The following FAM135B variants were observed in gnomAD, a reference collection of about 807,000 sequenced individuals.
FAM135B encodes the protein protein FAM135B.
In FAM135B, 43 loss-of-function variants were observed where a neutral mutation model predicts 127.7. The observed-to-expected ratio is 0.34, with a 90% CI of 0.26 to 0.43. The LOEUF (loss-of-function observed/expected upper bound fraction) is 0.43. Ranked by LOEUF, FAM135B falls within the 20% of genes least tolerant of loss-of-function variation. The probability of loss-of-function intolerance (pLI) is 1.00; values close to 1 mark genes in which losing one functional copy is unlikely to be tolerated. For synonymous variants in FAM135B, 670 were observed against 665.1 expected (o/e 1.01, Z -0.11); for missense variants, 1,558 against 1,725.6 (o/e 0.90, Z 1.72).
At chr8:138,282,939 T>C (rs548945915) in intron 3 of FAM135B, among the ~76,000 whole-genome samples, 1 of 152,318 alleles carries the variant, frequency 6.6e-6, no homozygotes, top group East Asian at 1.9e-4. Context: ...TCTCACTCTG[T>C]CACCAGGCTA....
intron 1 of FAM135B, among the ~76,000 whole-genome samples, chr8:138,430,686 C>T (rs539334162): frequency 2.6e-5 from 4 of 152,054 alleles, no homozygotes; most frequent in African/African-American, 4.8e-5. Flanking sequence ...GGTTCGAGGA[C>T]GGGGGTAAAA....
At chr8:138,323,347 T>C (rs1468761560) in intron 2 of FAM135B, among the ~76,000 whole-genome samples, 1 of 152,212 alleles carries the variant, frequency 6.6e-6, no homozygotes, top group African/African-American at 2.4e-5. Flanking sequence ...CACCCTTTGC[T>C]GACTCCCTTG....
intron 11 of FAM135B, among the ~76,000 whole-genome samples, chr8:138,170,475 G>C (rs2130919782): frequency 6.6e-6 from 1 of 152,228 alleles, no homozygotes; most frequent in South Asian, 2.1e-4. Context: ...GCCCACCTAG[G>C]CCTCCCAAAC....
At chr8:138,447,266 A>T (rs2131575098) in intron 1 of FAM135B, among the ~76,000 whole-genome samples, 1 of 152,256 alleles carries the variant, frequency 6.6e-6, no homozygotes, top group South Asian at 2.1e-4. Flanking sequence ...AGGGATCTAG[A>T]ACTAGAAATA....
rs182364532 is a variant in FAM135B, at chr8:138,426,567, T to C, written c.-19-58565A>G. ...GTATATATATACATTAAAAGACATG[T>C]ATGAGAATGCTATTATCATTTTTAT... On this transcript the variant is annotated intron_variant, in intron 1 of 19. Coordinates refer to ENST00000395297, the MANE Select transcript of FAM135B (RefSeq NM_015912.4). Among the ~76,000 whole-genome samples the C allele has an allele frequency of 6.9e-4, 105 of 151,364 alleles. 1 individual carries two copies. Among genetic ancestry groups the C allele is most frequent in the Admixed American group, 4.8e-3 (72 of 15,108 alleles).
intron 1 of FAM135B, among the ~76,000 whole-genome samples, chr8:138,389,358 T>C (rs1832404569): frequency 6.6e-6 from 1 of 152,188 alleles, no homozygotes; most frequent in South Asian, 2.1e-4. Flanking sequence ...TTTACACAAA[T>C]AATTGTTCGT....
intron 6 of FAM135B, among the ~76,000 whole-genome samples, chr8:138,245,227 T>C (rs1365419769): frequency 6.6e-6 from 1 of 152,218 alleles, no homozygotes; most frequent in Non-Finnish European, 1.5e-5. Flanking sequence ...TTAAACATTT[T>C]ACTAAGATTT....
chr8:138,341,337 C>A, intron 2 of FAM135B, among the ~76,000 whole-genome samples: 1 of 152,168 alleles, frequency 6.6e-6, no homozygotes, highest in East Asian at 1.9e-4. Flanking sequence ...TGTATTATTC[C>A]TCTCCTATGA....
At chr8:138,212,230 G>T (rs1818200094) in intron 7 of FAM135B, among the ~76,000 whole-genome samples, 1 of 152,160 alleles carries the variant, frequency 6.6e-6, no homozygotes, top group African/African-American at 2.4e-5. Context: ...GTACATAGAA[G>T]ACAGGTATGC....
At chr8:138,377,274 A>G in intron 1 of FAM135B, among the ~76,000 whole-genome samples, 1 of 152,198 alleles carries the variant, frequency 6.6e-6, no homozygotes. Flanking sequence ...ACAGAATTGC[A>G]CTATAGGAGA....
chr8:138,198,699 C>T (rs921663916), intron 7 of FAM135B, among the ~76,000 whole-genome samples: 1 of 152,136 alleles, frequency 6.6e-6, no homozygotes, highest in Non-Finnish European at 1.5e-5. Flanking sequence ...AGTAATTTGT[C>T]CAATGAGGAA....
At position 138,132,652 on chromosome 8, in the gene FAM135B, C is replaced by G. The variant is rs2130483336; in HGVS notation, c.4162G>C (p.Asp1388His). 6.2e-7 allele frequency: 1 copy of G among 1,614,188 alleles called. No individual in the cohort carries two copies. Among genetic ancestry groups the G allele is most frequent in the Non-Finnish European group, 8.5e-7 (1 of 1,180,036 alleles). ...IGRAAHIAVL[D>H]SELFLEKFFL... ...AACTTCTCCAGGAAGAGTTCTGAAT[C>G]CAGCACAGCGATGTGAGCGGCTCGG... The change falls in exon 20 of 20, where the codon GAT becomes CAT. Residue 1388 changes from aspartate (D) to histidine (H), a missense_variant. This residue lies in a region of FAM135B where 194 missense variants were observed against 333.8 expected (regional missense o/e 0.58). Coordinates refer to ENST00000395297, the MANE Select transcript of FAM135B (RefSeq NM_015912.4). The surrounding 1 kb of genome is among the most constrained non-coding windows in gnomAD (Gnocchi z 4.5).
intron 7 of FAM135B, among the ~76,000 whole-genome samples, chr8:138,216,101 A>T (rs1818523699): frequency 6.6e-6 from 1 of 152,214 alleles, no homozygotes. Flanking sequence ...CACATGGAAC[A>T]ATCTGAAGAC....
intron 1 of FAM135B, among the ~76,000 whole-genome samples, chr8:138,393,009 C>G (rs1191920023): frequency 6.6e-6 from 1 of 152,092 alleles, no homozygotes; most frequent in Non-Finnish European, 1.5e-5. Flanking sequence ...GCTGGGGAAG[C>G]CTCACAATCA....
intron 1 of FAM135B, among the ~76,000 whole-genome samples, chr8:138,479,072 T>C (rs968609784): frequency 2.0e-5 from 3 of 152,166 alleles, no homozygotes; most frequent in Non-Finnish European, 2.9e-5. Flanking sequence ...CTTACATGTA[T>C]CACTTTATAA....
intron 3 of FAM135B, among the ~76,000 whole-genome samples, chr8:138,295,073 T>C (rs1825377443): frequency 6.6e-6 from 1 of 150,728 alleles, no homozygotes. Flanking sequence ...ACATTCCTGA[T>C]TCAAATGTCA....
At chr8:138,319,778 TG>T (rs1221004079) in intron 2 of FAM135B, among the ~76,000 whole-genome samples, 1 of 152,222 alleles carries the variant, frequency 6.6e-6, no homozygotes, top group Non-Finnish European at 1.5e-5. Flanking sequence ...GTAAATATGT[TG>T]GGCAAAACAG....
intron 3 of FAM135B, among the ~76,000 whole-genome samples, chr8:138,278,011 C>A (rs1823965561): frequency 6.6e-6 from 1 of 151,952 alleles, no homozygotes; most frequent in Non-Finnish European, 1.5e-5. Flanking sequence ...GCCCTTTGAC[C>A]CCACAGCAGG....
At chr8:138,342,595 G>A (rs1298608770) in intron 2 of FAM135B, among the ~76,000 whole-genome samples, 1 of 152,212 alleles carries the variant, frequency 6.6e-6, no homozygotes, top group African/African-American at 2.4e-5. Context: ...TGACCATTGA[G>A]CAAGAGATTA....
Sources: gnomAD v4.1 joint callset for allele counts (sites outside exome capture counted in the v4.1 genomes callset) on GRCh38, gnomAD v4.1.1 for gene constraint, gnomAD v4.1.1 regional missense constraint, Gnocchi (gnomAD v3.1) non-coding constraint, MANE v1.5 for transcripts, NCBI Gene and HGNC (gene_info 2026-07-23, HGNC 2026-07-21) for gene names.